The following MIDEAS variants were observed in gnomAD, a reference collection of about 807,000 sequenced individuals.
MIDEAS encodes mitotic deacetylase associated SANT domain protein.
In MIDEAS, 26 loss-of-function variants were observed where a neutral mutation model predicts 102.7. That is an observed-to-expected ratio of 0.25 (90% CI 0.19 to 0.35). The LOEUF is 0.35. Ranked by LOEUF, MIDEAS falls within the 10% of genes least tolerant of loss-of-function variation. MIDEAS has a pLI of 1.00. For synonymous variants in MIDEAS, 585 were observed against 591.0 expected (o/e 0.99, Z 0.15); for missense variants, 1,231 against 1,435.6 (o/e 0.86, Z 2.30).
intron 9 of MIDEAS, chr14:73,723,101 G>A (rs900352806): frequency 1.2e-5 from 4 of 334,604 alleles, no homozygotes; most frequent in Non-Finnish European, 1.7e-5. Flanking sequence ...GGAACCACTC[G>A]GGAGATGGCA....
chr14:73,757,141 G>A (rs1343577254), intron 1 of MIDEAS, among the ~76,000 whole-genome samples: 1 of 151,774 alleles, frequency 6.6e-6, no homozygotes, highest in African/African-American at 2.4e-5. Flanking sequence ...GTGTGGTGAT[G>A]TGTACCCGTA....
Position 73,729,755 on chromosome 14 carries a change from G to C in MIDEAS, c.1980C>G (p.Leu660=), listed in dbSNP as rs1158568050. 6.2e-7 allele frequency: 1 copy of C among 1,614,086 alleles called. No homozygotes were observed. The highest frequency in any genetic ancestry group is 2.2e-5 in the East Asian group (1 of 44,886). ...ELPPYTPPPI[L]SPVREGSGLY... ...GGCCAGAGCCTTCCCGCACAGGGCT[G>C]AGGATGGGGGGCGGCGTGTAGGGAG... Residue 660 remains leucine, a synonymous_variant, in exon 4 of 13, where the codon CTC becomes CTG. Coordinates refer to ENST00000423556, the MANE Select transcript of MIDEAS (RefSeq NM_001367710.1).
chr14:73,754,999 T>G (rs2053462839), intron 1 of MIDEAS: 1 of 152,132 alleles, frequency 6.6e-6, no homozygotes, highest in African/African-American at 2.4e-5. Context: ...TGTAGCTCAC[T>G]CTCTCCATCC....
chr14:73,735,943 G>C (rs774504567), intron 3 of MIDEAS, among the ~76,000 whole-genome samples: 20 of 152,052 alleles, frequency 1.3e-4, no homozygotes, highest in Non-Finnish European at 1.5e-5. Flanking sequence ...GGTCACTTGA[G>C]GTCAGGAGTT....
At chr14:73,782,140 AAAAG>A (rs1372895923) in intron 1 of MIDEAS, among the ~76,000 whole-genome samples, 1 of 152,204 alleles carries the variant, frequency 6.6e-6, no homozygotes, top group African/African-American at 2.4e-5. Flanking sequence ...TATTTTTCAA[AAAAG>A]AAAGAATCTG....
chr14:73,778,571 T>G (rs1259786961), intron 1 of MIDEAS, among the ~76,000 whole-genome samples: 1 of 151,886 alleles, frequency 6.6e-6, no homozygotes, highest in African/African-American at 2.4e-5. Context: ...GGCTTCTAAG[T>G]TGTTCCAGAG....
intron 1 of MIDEAS, among the ~76,000 whole-genome samples, chr14:73,768,511 CTTTT>C (rs59819061): frequency 0.16 from 22,392 of 137,582 alleles, 1,797 homozygotes; most frequent in East Asian, 0.58. Flanking sequence ...TTATTGCCAA[CTTTT>C]TTTTTTTTTT....
chr14:73,771,236 T>C (rs1382468145), intron 1 of MIDEAS, among the ~76,000 whole-genome samples: 1 of 152,224 alleles, frequency 6.6e-6, no homozygotes, highest in East Asian at 1.9e-4. Flanking sequence ...CTCCAGTCTT[T>C]GACAGTTCTG....
intron 4 of MIDEAS, 156 bp from the exon 5 acceptor site, chr14:73,727,680 AC>A (rs2053082980): frequency 3.1e-6 from 2 of 654,386 alleles, no homozygotes; most frequent in East Asian, 6.3e-5. Flanking sequence ...GCAGCCTGTC[AC>A]CTACGAAAAC....
chr14:73,776,278 G>C (rs1006317436), intron 1 of MIDEAS, among the ~76,000 whole-genome samples: 1 of 152,016 alleles, frequency 6.6e-6, no homozygotes, highest in Admixed American at 6.6e-5. Flanking sequence ...TCAGATTCCA[G>C]AGGAGAATTC....
chr14:73,746,568 C>T (rs2053354231), intron 1 of MIDEAS, among the ~76,000 whole-genome samples: 1 of 152,192 alleles, frequency 6.6e-6, no homozygotes. Flanking sequence ...TCAAAACAGT[C>T]TCTATGCCCT....
intron 1 of MIDEAS, among the ~76,000 whole-genome samples, chr14:73,751,959 G>A (rs872990): frequency 0.15 from 22,278 of 151,970 alleles, 1,957 homozygotes; most frequent in South Asian, 0.27. Context: ...AGTCCCCATG[G>A]AGTCTAGGCT....
At chr14:73,756,470 T>C (rs1218193284) in intron 1 of MIDEAS, among the ~76,000 whole-genome samples, 2 of 152,200 alleles carry the variant, frequency 1.3e-5, no homozygotes, top group African/African-American at 4.8e-5. Context: ...AATTGGGGAT[T>C]TCAGCCTACT....
In MIDEAS at chr14:73,719,509, AAATC is replaced by A. The variant is rs780188985; in HGVS notation, c.2938-12_2938-9del. 3.8e-5 allele frequency: 61 copies of A among 1,612,282 alleles called. 1 individual carries two copies. The South Asian group carries it at 6.4e-4, about 17-fold the overall frequency. On this transcript the variant is annotated splice_polypyrimidine_tract_variant and intron_variant, in intron 11 of 12. Coordinates refer to ENST00000423556, the MANE Select transcript of MIDEAS (RefSeq NM_001367710.1). ...GATGAGGATGTCACTGGCCTGAAGA[AAATC>A]AAACAAGGAGAGTTGAGTGATCTGA...
Position 73,739,976 on chromosome 14 carries a change from G to C in MIDEAS, c.33C>G (p.Asn11Lys). 6.6e-7 allele frequency: 1 copy of C among 1,507,732 alleles called. No individual in the cohort carries two copies. The highest frequency in any genetic ancestry group is 8.9e-7 in the Non-Finnish European group (1 of 1,127,724). 93.4% of individuals were successfully genotyped at this position (1,507,732 alleles called of 1,614,324 possible). ...CCCCGAAGAGGCAACGCTTCCGCTT[G>C]TTCTGAGCCTTGGGCTGGGCCTGGA... Reference protein sequence around the residue: MNLQAQPKAQNKRKRCLFGGQ... With the variant: MNLQAQPKAQKKRKRCLFGGQ... Residue 11 changes from asparagine (N) to lysine (K), a missense_variant, in exon 2 of 13, where the codon AAC becomes AAG. This residue lies in a region of MIDEAS where 758 missense variants were observed against 856.0 expected (regional missense o/e 0.89). Coordinates refer to ENST00000423556, the MANE Select transcript of MIDEAS (RefSeq NM_001367710.1).
upstream of MIDEAS, among the ~76,000 whole-genome samples, chr14:73,762,169 C>A (rs1255230040): frequency 2.0e-5 from 3 of 152,080 alleles, no homozygotes; most frequent in African/African-American, 7.3e-5. Context: ...TGGCCTTAGG[C>A]CAGCCCAGAG....
At chr14:73,719,222 T>TCCCCCGCCCCCCCCCCCCCCCC in intron 12 of MIDEAS, 83 bp downstream of exon 12, 1 of 1,497,118 alleles carries the variant, frequency 6.7e-7, no homozygotes, top group Non-Finnish European at 8.9e-7. Context: ...CTGTACCTCT[T>TCCCCCGCCCCCCCCCCCCCCCC]CCCCCTCCCC....
chr14:73,741,113 C>T (rs1304511990), intron 1 of MIDEAS, among the ~76,000 whole-genome samples: 1 of 152,200 alleles, frequency 6.6e-6, no homozygotes, highest in African/African-American at 2.4e-5. Context: ...CCTGCCCCTT[C>T]CACTGCCGAA....
rs748631406 is a variant in MIDEAS, at chr14:73,738,807, G to A, written c.1202C>T (p.Pro401Leu). 1.7e-5 allele frequency: 27 copies of A among 1,574,190 alleles called. No individual in the cohort carries two copies. The highest frequency in any genetic ancestry group is 1.7e-4 in the Middle Eastern group (1 of 5,862). ...GQPHPEALGF[P>L]LELRESQLLP... Reference sequence around the variant, plus strand: ...TAGCTGCGACTCCCTCAGCTCCAGCGGGAATCCCAGAGCTTCAGGATGGGG... The same window carrying A: ...TAGCTGCGACTCCCTCAGCTCCAGCAGGAATCCCAGAGCTTCAGGATGGGG... Residue 401 changes from proline (P) to leucine (L), a missense_variant, in exon 2 of 13, where the codon CCG becomes CTG. Coordinates refer to ENST00000423556, the MANE Select transcript of MIDEAS (RefSeq NM_001367710.1).
Sources: gnomAD v4.1 joint callset for allele counts (sites outside exome capture counted in the v4.1 genomes callset) on GRCh38, gnomAD v4.1.1 for gene constraint, gnomAD v4.1.1 regional missense constraint, MANE v1.5 for transcripts, NCBI Gene and HGNC (gene_info 2026-07-23, HGNC 2026-07-21) for gene names.